Variants in RYR3 observed in about 807,000 individuals in gnomAD.
RYR3 encodes ryanodine receptor 3.
A neutral mutation model predicts 584.3 loss-of-function variants in RYR3; 207 were observed. That is an observed-to-expected ratio of 0.35 (90% CI 0.32 to 0.40). The LOEUF is 0.40. Ranked by LOEUF, RYR3 falls within the 10% of genes least tolerant of loss-of-function variation. RYR3 has a pLI of 1.00. For synonymous variants in RYR3, 2,416 were observed against 2,248.5 expected (o/e 1.07, Z -2.11); for missense variants, 5,616 against 6,089.2 (o/e 0.92, Z 2.59).
At chr15:33,627,957 AGGCTTAAAGAGGTAGTGG>A (rs2061076235) in intron 20 of RYR3, among the ~76,000 whole-genome samples, 1 of 152,220 alleles carries the variant, frequency 6.6e-6, no homozygotes, top group Admixed American at 6.5e-5. Flanking sequence ...GATGACTTCC[AGGCTTAAAGAGGTAGTGG>A]GGCCATGCAA....
intron 63 of RYR3, among the ~76,000 whole-genome samples, chr15:33,773,251 C>G (rs972060842): frequency 4.6e-5 from 7 of 152,188 alleles, no homozygotes; most frequent in African/African-American, 1.4e-4. Flanking sequence ...TGGAAGGACC[C>G]ATTGGTCAAA....
intron 3 of RYR3, among the ~76,000 whole-genome samples, chr15:33,522,742 G>A (rs1256010445): frequency 6.6e-6 from 1 of 152,094 alleles, no homozygotes; most frequent in Non-Finnish European, 1.5e-5. Context: ...GTTTCAGGGA[G>A]TTAGGATGGC....
intron 48 of RYR3, among the ~76,000 whole-genome samples, chr15:33,735,750 A>AT (rs2069399956): frequency 6.6e-6 from 1 of 152,210 alleles, no homozygotes; most frequent in African/African-American, 2.4e-5. Context: ...CCCCAAACAA[A>AT]TGATTCCAGT....
intron 14 of RYR3, among the ~76,000 whole-genome samples, chr15:33,583,505 G>A (rs995544380): frequency 6.6e-6 from 1 of 152,146 alleles, no homozygotes; most frequent in Non-Finnish European, 1.5e-5. Context: ...CTTGATGAAG[G>A]CAGGGAATCT....
chr15:33,805,693 G>A (rs371657412), intron 69 of RYR3, among the ~76,000 whole-genome samples: 7 of 151,654 alleles, frequency 4.6e-5, no homozygotes, highest in East Asian at 2.0e-4. Context: ...TAGCCAGGAT[G>A]GTCTCGATCT....
At chr15:33,370,294 C>T (rs1375151600) in intron 1 of RYR3, among the ~76,000 whole-genome samples, 1 of 152,148 alleles carries the variant, frequency 6.6e-6, no homozygotes, top group Non-Finnish European at 1.5e-5. Flanking sequence ...ACACGGTTTC[C>T]ACATGGTCTG....
chr15:33,484,183 A>G (rs1189671064), intron 2 of RYR3, among the ~76,000 whole-genome samples: 1 of 151,384 alleles, frequency 6.6e-6, no homozygotes. Context: ...GAAGAAGAGA[A>G]AAAAAAAATG....
intron 4 of RYR3, among the ~76,000 whole-genome samples, chr15:33,531,261 C>T (rs1342961064): frequency 6.6e-6 from 1 of 151,986 alleles, no homozygotes; most frequent in Non-Finnish European, 1.5e-5. Context: ...CCAGAATCGA[C>T]AGAAGGATGA....
intron 42 of RYR3, among the ~76,000 whole-genome samples, chr15:33,702,200 C>A (rs188482416): frequency 6.6e-6 from 1 of 152,238 alleles, no homozygotes; most frequent in African/African-American, 2.4e-5. Context: ...AGGCAGTGCT[C>A]CTACCCATTT....
At chr15:33,513,307 T>G (rs1229349373) in intron 3 of RYR3, among the ~76,000 whole-genome samples, 1 of 152,196 alleles carries the variant, frequency 6.6e-6, no homozygotes, top group East Asian at 1.9e-4. Flanking sequence ...GATATTCTGG[T>G]AAAGAAAAGT....
In RYR3 at chr15:33,821,299, CTA is replaced by C. The variant is rs2077093053; in HGVS notation, c.10847_10848del (p.Tyr3616SerfsTer7). On this transcript the variant is annotated frameshift_variant, in exon 79 of 104. Transcript: ENST00000634891. LOFTEE classifies it high-confidence loss of function. ...AAGAGATGGAGAAGCAAAAAACCCT[CTA>C]TCAGCAAGCTCGGCTGCATGAGCGT... ...EKEMEKQKTL[Y>X]QQARLHERGA... 6.2e-7 allele frequency: 1 copy of C among 1,601,108 alleles called. No homozygotes were observed.
At chr15:33,533,919 G>A (rs1300501797) in intron 5 of RYR3, among the ~76,000 whole-genome samples, 1 of 151,752 alleles carries the variant, frequency 6.6e-6, no homozygotes, top group Non-Finnish European at 1.5e-5. Context: ...AATTACTTTT[G>A]TACTTAAAAT....
intron 1 of RYR3, among the ~76,000 whole-genome samples, chr15:33,342,273 A>C (rs1175898469): frequency 6.6e-6 from 1 of 152,190 alleles, no homozygotes; most frequent in East Asian, 1.9e-4. Context: ...AAAACTGAAA[A>C]TTTGTTGCAT....
intron 1 of RYR3, among the ~76,000 whole-genome samples, chr15:33,471,625 C>T (rs371625126): frequency 3.4e-4 from 50 of 149,248 alleles, no homozygotes; most frequent in African/African-American, 1.2e-3. Context: ...CATAATTACA[C>T]TTCTTTGATT....
At chr15:33,524,179 G>A (rs1042881113) in intron 3 of RYR3, among the ~76,000 whole-genome samples, 1 of 152,162 alleles carries the variant, frequency 6.6e-6, no homozygotes, top group Non-Finnish European at 1.5e-5. Context: ...TAGTGTTAAA[G>A]AAAATTTAGA....
Position 33,865,343 on chromosome 15 carries a change from A to G in RYR3, c.*117A>G, listed in dbSNP as rs1316106553. ...GACATTTTCTAAATGCCTCCCTTAA[A>G]AAAAAAACTGCTGAAAATCTGTGCT... On this transcript the variant is annotated 3_prime_UTR_variant, in exon 104 of 104. Coordinates refer to ENST00000634891, the MANE Select transcript of RYR3 (RefSeq NM_001036.6). 7.1e-6 allele frequency: 5 copies of G among 708,812 alleles called. No individual in the cohort carries two copies. The highest frequency in any genetic ancestry group is 5.4e-5 in the African/African-American group (3 of 55,700). 43.9% of individuals were successfully genotyped at this position (708,812 alleles called of 1,614,324 possible).
intron 49 of RYR3, among the ~76,000 whole-genome samples, chr15:33,737,910 T>G (rs1057490937): frequency 6.6e-6 from 1 of 152,066 alleles, no homozygotes; most frequent in African/African-American, 2.4e-5. Context: ...GTGAAACTGC[T>G]GTAAAGTCAC....
At position 33,584,419 on chromosome 15, in the gene RYR3, A is replaced by G; in HGVS notation, c.1598A>G (p.Asn533Ser). Residue 533 changes from asparagine to serine, a missense_variant, in exon 15 of 104, where the codon AAC becomes AGC. Physicochemically the swap from Asn to Ser is conservative, Grantham distance 46. Transcript: ENST00000634891. ...LLAALIRGNR[N>S]NCAQFSNNLD... is the part of the protein sequence containing the mutation. ...GCTGCTCTCATTCGCGGAAACAGAA[A>G]CAATTGCGCTCAATTCTCCAATAAC... 2 of 1,608,114 alleles carry G rather than the reference A, an allele frequency of 1.2e-6. No individual in the cohort carries two copies. Among genetic ancestry groups the G allele is most frequent in the Non-Finnish European group, 1.7e-6 (2 of 1,175,592 alleles).
intron 3 of RYR3, among the ~76,000 whole-genome samples, chr15:33,509,256 T>TTAGA (rs2052752296): frequency 6.6e-6 from 1 of 152,226 alleles, no homozygotes; most frequent in South Asian, 2.1e-4. Flanking sequence ...GTGCCAAGAT[T>TTAGA]TAGACATGTT....
Sources: allele counts gnomAD v4.1 joint callset (sites outside exome capture counted in the v4.1 genomes callset), GRCh38; gene constraint gnomAD v4.1.1; transcripts MANE v1.5; gene names NCBI Gene and HGNC (gene_info 2026-07-23, HGNC 2026-07-21).